Variants in AFF4 observed in about 807,000 individuals in gnomAD.
The protein encoded by AFF4 is AF4/FMR2 family member 4.
A neutral mutation model predicts 124.8 loss-of-function variants in AFF4; 13 were observed. The ratio of observed to expected loss-of-function variants is 0.10; its 90% CI spans 0.07 to 0.17. AFF4 has a LOEUF of 0.17. Among genes scored for constraint, AFF4 ranks in the 10% least tolerant of loss-of-function variants. The pLI, the probability that AFF4 is intolerant of heterozygous loss-of-function variation, is 1.00. For missense variants in AFF4, 1,092 were observed against 1,403.8 expected (o/e 0.78, Z 3.55); for synonymous variants, 477 against 496.1 (o/e 0.96, Z 0.51).
At chr5:132,949,754 CG>C (rs1561511661) in intron 1 of AFF4, among the ~76,000 whole-genome samples, 2 of 148,784 alleles carry the variant, frequency 1.3e-5, no homozygotes, top group African/African-American at 2.5e-5. Flanking sequence ...CCCGGCTACT[CG>C]GGAGGCTGAG....
chr5:132,882,078 T>C (rs983479214), intron 20 of AFF4, among the ~76,000 whole-genome samples: 1 of 152,060 alleles, frequency 6.6e-6, no homozygotes, highest in African/African-American at 2.4e-5. Context: ...CCAGGTGTGG[T>C]GGCACACATC....
At chr5:132,883,585 G>A in intron 19 of AFF4, 25 bp from the exon 20 acceptor site, 1 of 1,600,250 alleles carries the variant, frequency 6.2e-7, no homozygotes, top group Non-Finnish European at 8.6e-7. Context: ...TAGGAAGCTT[G>A]TTCATATGGA....
chr5:132,917,690 T>TTTTTCTTTTCTTTTC (rs1426513125), intron 5 of AFF4, among the ~76,000 whole-genome samples: 5 of 116,052 alleles, frequency 4.3e-5, no homozygotes, highest in African/African-American at 1.2e-4. Flanking sequence ...AAGGTATTTC[T>TTTTTCTTTTCTTTTC]TTTTCTTTTC....
chr5:132,896,547 G>T lies in AFF4; in HGVS notation c.2083C>A (p.Pro695Thr). 1.2e-6 allele frequency: 2 copies of T among 1,614,014 alleles called. No individual in the cohort carries two copies. The highest frequency in any genetic ancestry group is 1.7e-6 in the Non-Finnish European group (2 of 1,179,988). ...DSFFRQRMFSPMEEKELLSPL... is the reference protein window; with the variant it reads ...DSFFRQRMFSTMEEKELLSPL... The stretch of plus-strand genomic sequence containing the variant: ...GAAAGAAGTTCCTTCTCTTCCATAG[G>T]AGAGAACATTCGTTGCCGAAAAAAG... The change falls in exon 11 of 21, where the codon CCT becomes ACT. Residue 695 changes from proline to threonine, a missense_variant. Pro to Thr is a conservative substitution (Grantham distance 38, BLOSUM62 -1). Around this residue, in one of 11 missense-constraint regions of AFF4, gnomAD observed 293 missense variants for 280.2 expected, o/e 1.05. Transcript: ENST00000265343.
chr5:132,886,760 C>A (rs1214732707), intron 17 of AFF4, among the ~76,000 whole-genome samples: 2 of 152,170 alleles, frequency 1.3e-5, no homozygotes, highest in Non-Finnish European at 2.9e-5. Context: ...AACTGAACTG[C>A]AAATATTACA....
Position 132,892,250 on chromosome 5 carries a change from T to A in AFF4, c.2551A>T (p.Thr851Ser). ...LKSSSNSNKE[T>S]SGSSKNSSST... ...GAACTGTTTTTGCTGCTGCCACTCG[T>A]CTCCTTGTTGCTGTTACTGCTTGAC... The change falls in exon 13 of 21, where the codon ACG becomes TCG. Residue 851 changes from threonine (T) to serine (S), a missense_variant. Thr to Ser is a moderately conservative substitution (Grantham distance 58). Coordinates refer to ENST00000265343, the MANE Select transcript of AFF4 (RefSeq NM_014423.4). 2.5e-6 allele frequency: 4 copies of A among 1,614,124 alleles called. No individual in the cohort carries two copies. Among genetic ancestry groups the A allele is most frequent in the Non-Finnish European group, 2.5e-6 (3 of 1,180,026 alleles).
chr5:132,927,851 G>T (rs1485392350), intron 4 of AFF4, among the ~76,000 whole-genome samples: 1 of 152,166 alleles, frequency 6.6e-6, no homozygotes, highest in Non-Finnish European at 1.5e-5. Context: ...GAGGAAAACA[G>T]AAAAGCAAGA....
intron 7 of AFF4, among the ~76,000 whole-genome samples, chr5:132,901,910 G>C (rs74943883): frequency 0.037 from 5,671 of 152,250 alleles, 135 homozygotes; most frequent in Admixed American, 0.055. Flanking sequence ...GCCACACTTA[G>C]GGTCTACAGC....
At chr5:132,887,743 A>T (rs1205038686) in intron 16 of AFF4, 103 bp downstream of exon 16, 7 of 1,527,092 alleles carry the variant, frequency 4.6e-6, no homozygotes, top group African/African-American at 1.4e-5. Flanking sequence ...CAAGGACATT[A>T]AAGGATTATA....
intron 1 of AFF4, among the ~76,000 whole-genome samples, chr5:132,953,806 T>C (rs925260791): frequency 6.6e-6 from 1 of 152,148 alleles, no homozygotes; most frequent in African/African-American, 2.4e-5. Flanking sequence ...ACATTTTATC[T>C]TCCGCTTGAA....
rs984565833 is a variant in AFF4, at chr5:132,962,908, A to G, written c.-5+351T>C. On this transcript the variant is annotated intron_variant, in intron 1 of 20. Coordinates refer to ENST00000265343, the MANE Select transcript of AFF4 (RefSeq NM_014423.4). ...GTAATGTTAGCCAGAATCTGGGCCT[A>G]TTTTCTCTTTAATTAGACATAATTT... 9.3e-5 allele frequency among the ~76,000 whole-genome samples: 14 copies of G among 150,782 alleles called. No homozygotes were observed. The East Asian group carries it at 2.7e-3, about 29-fold the overall frequency.
At chr5:132,895,041 G>A (rs1399496192) in intron 11 of AFF4, among the ~76,000 whole-genome samples, 1 of 152,120 alleles carries the variant, frequency 6.6e-6, no homozygotes, top group Non-Finnish European at 1.5e-5. Context: ...CATAAAAAAA[G>A]TCCTAGCTTC....
intron 1 of AFF4, chr5:132,943,887 G>A (rs75864007): frequency 9.9e-5 from 20 of 201,140 alleles, no homozygotes; most frequent in African/African-American, 1.4e-4. Flanking sequence ...AGGGAAAGAC[G>A]GATTGCCATT....
Position 132,932,163 on chromosome 5 carries a change from T to G in AFF4, c.963+15A>C, listed in dbSNP as rs199651569. On this transcript the variant is annotated intron_variant, in intron 4 of 20. Coordinates refer to ENST00000265343, the MANE Select transcript of AFF4 (RefSeq NM_014423.4). ...AAATTAAAGAAATTGAAATGATTTT[T>G]TTTAAAAAACTTACTTTTAGGATTT... The G allele has an allele frequency of 1.9e-5, 30 of 1,574,760 alleles. No individual in the cohort carries two copies. Among genetic ancestry groups the G allele is most frequent in the Non-Finnish European group, 2.6e-5 (30 of 1,161,052 alleles).
In AFF4 at chr5:132,932,158, A is replaced by ATTT; in HGVS notation, c.963+17_963+19dup. On this transcript the variant is annotated intron_variant, in intron 4 of 20. Coordinates refer to ENST00000265343, the MANE Select transcript of AFF4 (RefSeq NM_014423.4). Reference sequence around the variant, plus strand: ...ATAAAAAATTAAAGAAATTGAAATGATTTTTTTTAAAAAACTTACTTTTAG... The same window carrying ATTT: ...ATAAAAAATTAAAGAAATTGAAATGATTTTTTTTTTTAAAAAACTTACTTTTAG... 1 of 1,559,648 alleles carries ATTT rather than the reference A, an allele frequency of 6.4e-7. No individual in the cohort carries two copies. The highest frequency in any genetic ancestry group is 8.7e-7 in the Non-Finnish European group (1 of 1,149,480).
chr5:132,879,573 C>A lies in AFF4; in HGVS notation c.*1486G>T. ...AGAAGACCAATCATGTATGGACGAT[C>A]TGGTCCTAGTGTAAAACTTCATTTG... On this transcript the variant is annotated 3_prime_UTR_variant, in exon 21 of 21. Transcript: ENST00000265343. 1 of 206,650 alleles carries A rather than the reference C, an allele frequency of 4.8e-6. No individual in the cohort carries two copies. The highest frequency in any genetic ancestry group is 9.9e-6 in the Non-Finnish European group (1 of 100,944). 12.8% of individuals were successfully genotyped at this position (206,650 alleles called of 1,614,324 possible).
chr5:132,938,941 C>CAAAAAAA (rs762784790), intron 1 of AFF4, among the ~76,000 whole-genome samples: 1 of 38,334 alleles, frequency 2.6e-5, no homozygotes, highest in Non-Finnish European at 4.4e-5. Context: ...AGACTCATCT[C>CAAAAAAA]AAAAAAAAAA....
chr5:132,953,050 C>A (rs971724635), intron 1 of AFF4, among the ~76,000 whole-genome samples: 5 of 151,886 alleles, frequency 3.3e-5, no homozygotes, highest in African/African-American at 9.7e-5. Flanking sequence ...TAAATCAGGG[C>A]TAGGCACTAC....
intron 5 of AFF4, among the ~76,000 whole-genome samples, chr5:132,913,891 C>T (rs1581297625): frequency 6.6e-6 from 1 of 152,120 alleles, no homozygotes; most frequent in African/African-American, 2.4e-5. Context: ...TGCAGAAAAT[C>T]TCCAAATATT....
Sources: allele counts gnomAD v4.1 joint callset (sites outside exome capture counted in the v4.1 genomes callset), GRCh38; gene constraint gnomAD v4.1.1; regional missense constraint gnomAD v4.1.1; transcripts MANE v1.5; gene names NCBI Gene and HGNC (gene_info 2026-07-23, HGNC 2026-07-21).